GABBR2: variants seen among roughly 807,000 people sequenced by gnomAD.
GABBR2 encodes gamma-aminobutyric acid type B receptor subunit 2.
GABBR2 carries 23 observed loss-of-function variants against 105.6 expected under a neutral mutation model. That is an observed-to-expected ratio of 0.22 (90% confidence interval 0.16 to 0.31). The LOEUF (loss-of-function observed/expected upper bound fraction) is 0.31, where lower values mean the gene tolerates loss of function less well. Ranked by LOEUF, GABBR2 falls within the 10% of genes least tolerant of loss-of-function variation. GABBR2 has a pLI of 1.00. For missense variants in GABBR2, 734 were observed against 1,245.5 expected (o/e 0.59, Z 6.18); for synonymous variants, 478 against 499.7 (o/e 0.96, Z 0.58).
chr9:98,583,033 C>T (rs538882811), intron 1 of GABBR2, among the ~76,000 whole-genome samples: 8 of 152,224 alleles, frequency 5.3e-5, no homozygotes, highest in African/African-American at 1.7e-4. Flanking sequence ...AAGCTAACAG[C>T]ATTCTAGAAA....
At chr9:98,593,227 C>G (rs1352410962) in intron 1 of GABBR2, among the ~76,000 whole-genome samples, 3 of 152,150 alleles carry the variant, frequency 2.0e-5, no homozygotes, top group Non-Finnish European at 4.4e-5. Flanking sequence ...TGTCTATTTC[C>G]GGAATGTTTT....
intron 2 of GABBR2, among the ~76,000 whole-genome samples, chr9:98,571,471 C>A (rs2131773892): frequency 6.6e-6 from 1 of 152,238 alleles, no homozygotes; most frequent in East Asian, 1.9e-4. Context: ...CCTGGCCTGG[C>A]AAGTCTCCAG....
At chr9:98,301,614 G>A (rs1409381313) in intron 16 of GABBR2, among the ~76,000 whole-genome samples, 1 of 152,166 alleles carries the variant, frequency 6.6e-6, no homozygotes, top group East Asian at 1.9e-4. Flanking sequence ...TAGGATCAAA[G>A]GGTGGGGACA....
intron 1 of GABBR2, among the ~76,000 whole-genome samples, chr9:98,618,258 G>C (rs1476015082): frequency 6.6e-6 from 1 of 152,118 alleles, no homozygotes. Context: ...CTCGGAAGGG[G>C]AACCACACTT....
chr9:98,426,493 T>C (rs1435634870), intron 7 of GABBR2, among the ~76,000 whole-genome samples: 1 of 152,190 alleles, frequency 6.6e-6, no homozygotes, highest in East Asian at 1.9e-4. Context: ...CTGAGTTTGA[T>C]GAGTCACCAG....
At chr9:98,588,374 G>A (rs1161175773) in intron 1 of GABBR2, among the ~76,000 whole-genome samples, 2 of 152,182 alleles carry the variant, frequency 1.3e-5, no homozygotes, top group African/African-American at 4.8e-5. Context: ...AAAATTCTTT[G>A]AACAGAACAG....
chr9:98,707,115 G>A (rs1830905672), intron 1 of GABBR2: 1 of 152,210 alleles, frequency 6.6e-6, no homozygotes, highest in South Asian at 2.1e-4. Context: ...GGGGAGGCAG[G>A]GAATAAGATA....
intron 3 of GABBR2, among the ~76,000 whole-genome samples, chr9:98,508,530 C>G (rs1366741673): frequency 1.3e-5 from 2 of 152,240 alleles, no homozygotes; most frequent in Non-Finnish European, 1.5e-5. Context: ...AAAGGGGTAA[C>G]AGACGGCACC....
chr9:98,697,758 G>A (rs2131883856), intron 1 of GABBR2, among the ~76,000 whole-genome samples: 1 of 152,330 alleles, frequency 6.6e-6, no homozygotes, highest in Admixed American at 6.5e-5. Flanking sequence ...GACCTCTGAA[G>A]GGTTACTTGG....
chr9:98,527,557 C>T (rs1827984490), intron 3 of GABBR2, among the ~76,000 whole-genome samples: 1 of 151,924 alleles, frequency 6.6e-6, no homozygotes, highest in African/African-American at 2.4e-5. Flanking sequence ...TTTCTCATAT[C>T]CCACCAATAA....
intron 11 of GABBR2, among the ~76,000 whole-genome samples, chr9:98,382,180 T>C (rs1398602428): frequency 6.6e-6 from 1 of 151,694 alleles, no homozygotes; most frequent in Non-Finnish European, 1.5e-5. Context: ...ATGGGCAGAG[T>C]GGCCCCCGGG....
chr9:98,676,943 G>A (rs539851093), intron 1 of GABBR2, among the ~76,000 whole-genome samples: 1 of 152,234 alleles, frequency 6.6e-6, no homozygotes, highest in Non-Finnish European at 1.5e-5. Flanking sequence ...TACAGAGATG[G>A]GCAAGGTGCT....
chr9:98,708,491 G>T lies in GABBR2; in HGVS notation c.247C>A (p.Leu83Met). ...IGRGVLPAVE[L>M]AIEQIRNESL... ...TCGTTGCGGATCTGCTCGATGGCCAGTTCCACGGCGGGGAGCACACCGCGC... is the reference window on the plus strand; with the variant it reads ...TCGTTGCGGATCTGCTCGATGGCCATTTCCACGGCGGGGAGCACACCGCGC... The change falls in exon 1 of 19, where the codon CTG (leucine) becomes ATG (methionine). Residue 83 changes from leucine (L) to methionine (M), a missense_variant. Physicochemically the swap from Leu to Met is conservative, Grantham distance 15. Coordinates refer to ENST00000259455, the MANE Select transcript of GABBR2 (RefSeq NM_005458.8). The T allele has an allele frequency of 1.3e-6, 2 of 1,595,344 alleles. No individual in the cohort carries two copies. The highest frequency in any genetic ancestry group is 8.5e-7 in the Non-Finnish European group (1 of 1,171,490).
At chr9:98,395,763 A>G (rs557373740) in intron 8 of GABBR2, among the ~76,000 whole-genome samples, 9 of 151,832 alleles carry the variant, frequency 5.9e-5, no homozygotes, top group Non-Finnish European at 8.8e-5. Flanking sequence ...GATGAAGCAG[A>G]TTTAGGGAAA....
chr9:98,329,358 C>G (rs1380113564), intron 13 of GABBR2, among the ~76,000 whole-genome samples: 1 of 152,204 alleles, frequency 6.6e-6, no homozygotes, highest in Non-Finnish European at 1.5e-5. Context: ...TCGTTTCCGG[C>G]TCTGAAATTC....
Position 98,467,240 on chromosome 9 carries a change from G to T in GABBR2, c.999+5906C>A, listed in dbSNP as rs185191140. ...TTGTTGTGTTACAGAGCTTAGAAGA[G>T]GGGAGGAGAGGTATGGATGTTGGTA... On this transcript the variant is annotated intron_variant, in intron 6 of 18. Transcript: ENST00000259455. 2.2e-4 allele frequency among the ~76,000 whole-genome samples: 33 copies of T among 152,324 alleles called. 1 individual carries two copies. Among genetic ancestry groups the T allele is most frequent in the Non-Finnish European group, 1.5e-5 (1 of 68,026 alleles).
At chr9:98,620,893 C>T (rs1829660827) in intron 1 of GABBR2, among the ~76,000 whole-genome samples, 1 of 152,154 alleles carries the variant, frequency 6.6e-6, no homozygotes, top group Non-Finnish European at 1.5e-5. Context: ...GTCTCAGTTT[C>T]CTTAGCTACA....
chr9:98,508,699 A>T (rs1827567504), intron 3 of GABBR2, among the ~76,000 whole-genome samples: 1 of 152,234 alleles, frequency 6.6e-6, no homozygotes, highest in African/African-American at 2.4e-5. Flanking sequence ...GCTGCAAGGC[A>T]ACAGCGAGGC....
chr9:98,697,323 C>G (rs982918330), intron 1 of GABBR2, among the ~76,000 whole-genome samples: 1 of 152,136 alleles, frequency 6.6e-6, no homozygotes, highest in Non-Finnish European at 1.5e-5. Flanking sequence ...AACCTCGTCT[C>G]TACTAAAACT....
Sources: gnomAD v4.1 joint callset for allele counts (sites outside exome capture counted in the v4.1 genomes callset) on GRCh38, gnomAD v4.1.1 for gene constraint, MANE v1.5 for transcripts, NCBI Gene and HGNC (gene_info 2026-07-23, HGNC 2026-07-21) for gene names.